Variants in CCDC7 observed in about 807,000 individuals in gnomAD.
The protein encoded by CCDC7 is coiled-coil domain-containing protein 7.
In CCDC7, 183 loss-of-function variants were observed where a neutral mutation model predicts 196.9. The observed-to-expected ratio is 0.93, with a 90% CI of 0.82 to 1.05. CCDC7 has a LOEUF of 1.05. Among genes scored for constraint, CCDC7 ranks in the 50% least tolerant of loss-of-function variants. The pLI, the probability that CCDC7 is intolerant of heterozygous loss-of-function variation, is 0.00. For synonymous variants in CCDC7, 525 were observed against 484.6 expected (o/e 1.08, Z -1.10); for missense variants, 1,540 against 1,482.2 (o/e 1.04, Z -0.64).
intron 5 of CCDC7, among the ~76,000 whole-genome samples, chr10:32,465,806 A>G (rs1391407544): frequency 6.6e-6 from 1 of 152,146 alleles, no homozygotes; most frequent in Non-Finnish European, 1.5e-5. Flanking sequence ...CTCAGATGCA[A>G]TGGGTCAGAA....
At chr10:32,824,731 T>G (rs1378315406) in intron 32 of CCDC7, 127 bp downstream of exon 33, 1 of 562,188 alleles carries the variant, frequency 1.8e-6, no homozygotes, top group Non-Finnish European at 3.1e-6. Context: ...ATGAATTTCC[T>G]CCTATAATTA....
At chr10:32,729,717 G>A (rs911738783) in intron 28 of CCDC7, among the ~76,000 whole-genome samples, 9 of 151,994 alleles carry the variant, frequency 5.9e-5, no homozygotes, top group African/African-American at 2.2e-4. Flanking sequence ...ATTTTTGTGT[G>A]TGTGTGCAAG....
chr10:32,685,283 T>C (rs1423694303), intron 21 of CCDC7, among the ~76,000 whole-genome samples: 1 of 152,082 alleles, frequency 6.6e-6, no homozygotes, highest in African/African-American at 2.4e-5. Flanking sequence ...TTTAAATTGC[T>C]TTTACAACTC....
At chr10:32,817,740 C>A (rs1261576031) in intron 31 of CCDC7, among the ~76,000 whole-genome samples, 1 of 152,104 alleles carries the variant, frequency 6.6e-6, no homozygotes, top group Non-Finnish European at 1.5e-5. Context: ...CCAAACTAAG[C>A]TTCATAAGTG....
At chr10:32,634,131 T>C (rs1187542217) in intron 18 of CCDC7, 123 bp from the exon 20 acceptor site, 1 of 397,626 alleles carries the variant, frequency 2.5e-6, no homozygotes, top group African/African-American at 2.1e-5. Context: ...AATGGTAATT[T>C]ACTCATGACT....
chr10:32,832,959 G>C (rs2092324870), intron 32 of CCDC7, among the ~76,000 whole-genome samples: 1 of 151,974 alleles, frequency 6.6e-6, no homozygotes, highest in African/African-American at 2.4e-5. Flanking sequence ...TAGTATGCTG[G>C]AGTAAGAAAA....
At chr10:32,715,154 C>T (rs1413739002) in intron 25 of CCDC7, among the ~76,000 whole-genome samples, 2 of 152,172 alleles carry the variant, frequency 1.3e-5, no homozygotes, top group Non-Finnish European at 2.9e-5. Flanking sequence ...AGAGCTCCAG[C>T]TGGCATCTGG....
intron 18 of CCDC7, among the ~76,000 whole-genome samples, chr10:32,630,778 T>C (rs1002369087): frequency 1.3e-5 from 2 of 152,208 alleles, no homozygotes; most frequent in African/African-American, 2.4e-5. Flanking sequence ...CCAAAATAAT[T>C]GTAAATTAAG....
At chr10:32,544,063 G>A (rs2136167681) in intron 12 of CCDC7, among the ~76,000 whole-genome samples, 184 bp from the exon 14 acceptor site, 1 of 152,114 alleles carries the variant, frequency 6.6e-6, no homozygotes, top group South Asian at 2.1e-4. Context: ...TGAGAAGTTA[G>A]TTTGAGAAAT....
chr10:32,830,123 T>TATATATATATATATATATATCC (rs2091973539), intron 32 of CCDC7, among the ~76,000 whole-genome samples: 1 of 100,426 alleles, frequency 1.0e-5, no homozygotes, highest in Non-Finnish European at 2.3e-5. Context: ...TATATAAGGA[T>TATATATATATATATATATATCC]ATATATATAT....
At chr10:32,677,296 C>T (rs950328161) in intron 21 of CCDC7, among the ~76,000 whole-genome samples, 4 of 151,360 alleles carry the variant, frequency 2.6e-5, no homozygotes, top group Admixed American at 6.6e-5. Context: ...AGCACACCAG[C>T]ATGGCACATG....
chr10:32,646,731 C>T (rs1763799), intron 20 of CCDC7, among the ~76,000 whole-genome samples: 52,186 of 152,006 alleles, frequency 0.34, 11,416 homozygotes, highest in Non-Finnish European at 0.5. Context: ...TTAAACCCAC[C>T]ACCACCTTCC....
chr10:32,639,362 T>C (rs1237713127), intron 20 of CCDC7, among the ~76,000 whole-genome samples: 2 of 152,186 alleles, frequency 1.3e-5, no homozygotes, highest in Non-Finnish European at 1.5e-5. Flanking sequence ...CTTTCTCTTG[T>C]GGGCATTTAG....
intron 18 of CCDC7, among the ~76,000 whole-genome samples, chr10:32,601,183 C>G (rs906527494): frequency 3.3e-5 from 5 of 152,152 alleles, no homozygotes; most frequent in Non-Finnish European, 5.9e-5. Flanking sequence ...AGTGATTCTC[C>G]TGCCTCAGCC....
chr10:32,544,251 A>G (rs536655868), exon 13 of CCDC7: 2 of 1,603,282 alleles, frequency 1.2e-6, no homozygotes, highest in South Asian at 1.1e-5. Flanking sequence ...TTACAGGAAG[A>G]TGTCTCCAGA....
upstream of CCDC7, chr10:32,446,076 C>G (rs1037650534): frequency 6.6e-6 from 1 of 152,208 alleles, no homozygotes; most frequent in Non-Finnish European, 1.5e-5. Flanking sequence ...AGCTCACGCT[C>G]GCAGCGTCAG....
At chr10:32,810,282 A>C (rs1318369040) in intron 30 of CCDC7, among the ~76,000 whole-genome samples, 2 of 152,142 alleles carry the variant, frequency 1.3e-5, no homozygotes, top group African/African-American at 2.4e-5. Flanking sequence ...AACTCACTTC[A>C]CCTGTAAAGA....
chr10:32,511,272 G>GGGGT lies in CCDC7; in HGVS notation c.873-6671_873-6670insGTGG. 3.9e-6 allele frequency: 3 copies of GGGGT among 770,828 alleles called. 1 individual carries two copies. The highest frequency in any genetic ancestry group is 5.9e-6 in the Non-Finnish European group (3 of 506,606). The allele number at this position is 770,828 out of a possible 1,614,324, so 47.7% of individuals were successfully genotyped here. On this transcript the variant is annotated intron_variant, in intron 9 of 41. Coordinates refer to ENST00000639629, the Ensembl canonical transcript of CCDC7. ...TATTCTGTGGGGGGCGGGGGGGGCG[G>GGGGT]GGAAATGTACTTTTTGAATATGTGT...
At position 32,786,344 on chromosome 10, in the gene CCDC7, A is replaced by G. The variant is rs755858599; in HGVS notation, c.3013+7260A>G. ...AATATCCAAATGAACAACTTTCAATAGAAAAAAATTACAGGGCATAATAAA... is the reference window on the plus strand; with the variant it reads ...AATATCCAAATGAACAACTTTCAATGGAAAAAAATTACAGGGCATAATAAA... On this transcript the variant is annotated intron_variant, in intron 29 of 41. Transcript: ENST00000639629. Among the ~76,000 whole-genome samples the G allele has an allele frequency of 1.5e-4, 23 of 152,244 alleles. 1 individual carries two copies. Among genetic ancestry groups the G allele is most frequent in the South Asian group, 4.1e-4 (2 of 4,836 alleles).
Sources: gnomAD v4.1 joint callset for allele counts (sites outside exome capture counted in the v4.1 genomes callset) on GRCh38, gnomAD v4.1.1 for gene constraint, MANE v1.5 for transcripts, NCBI Gene and HGNC (gene_info 2026-07-23, HGNC 2026-07-21) for gene names.